The following DMXL1 variants were observed in gnomAD, a reference collection of about 807,000 sequenced individuals.
DMXL1 encodes Dmx like 1.
A neutral mutation model predicts 319.2 loss-of-function variants in DMXL1; 99 were observed. The observed-to-expected ratio is 0.31, with a 90% CI of 0.26 to 0.37. The LOEUF (loss-of-function observed/expected upper bound fraction) is 0.37, where lower values mean the gene tolerates loss of function less well. Among genes scored for constraint, DMXL1 ranks in the 10% least tolerant of loss-of-function variants. DMXL1 has a pLI of 1.00. For synonymous variants in DMXL1, 1,385 were observed against 1,235.2 expected, an observed-to-expected ratio of 1.12 and a Z score of -2.54; for missense variants, 3,745 against 3,595.6, an observed-to-expected ratio of 1.04 and a Z score of -1.06.
chr5:119,170,518 A>C lies in DMXL1; in HGVS notation c.5727A>C (p.Pro1909=). 6.2e-7 allele frequency: 1 copy of C among 1,613,736 alleles called. No individual in the cohort carries two copies. The highest frequency in any genetic ancestry group is 8.5e-7 in the Non-Finnish European group (1 of 1,179,792). The change falls in exon 24 of 44, where the codon CCA becomes CCC. Residue 1909 remains proline, a synonymous_variant. Coordinates refer to ENST00000539542, the MANE Select transcript of DMXL1 (RefSeq NM_001290321.3). ...GTAAAGACTGTTCTCCTTCTTCTCCATTAAAGTTGGATGCAAGGGAAGATA... is the reference window on the plus strand; with the variant it reads ...GTAAAGACTGTTCTCCTTCTTCTCCCTTAAAGTTGGATGCAAGGGAAGATA... ...DTSKDCSPSS[P]LKLDAREDKS...
intron 2 of DMXL1, 46 bp from the exon 3 acceptor site, chr5:119,101,889 A>G: frequency 1.6e-6 from 2 of 1,285,182 alleles, no homozygotes; most frequent in Non-Finnish European, 1.1e-6. Flanking sequence ...TTGATTCATA[A>G]GTAAGTTAAC....
At chr5:119,126,326 G>T (rs1448552070) in intron 9 of DMXL1, among the ~76,000 whole-genome samples, 1 of 152,088 alleles carries the variant, frequency 6.6e-6, no homozygotes, top group African/African-American at 2.4e-5. Flanking sequence ...ATTATTGTAT[G>T]TGCTGCATTG....
chr5:119,114,591 G>C lies in DMXL1; in HGVS notation c.564+50G>C, dbSNP rs527421301. 121 of 1,242,852 alleles carry C rather than the reference G, an allele frequency of 9.7e-5. 2 individuals are homozygous for C. In the South Asian group the frequency reaches 1.5e-3, roughly 16 times the overall value. 77.0% of individuals were successfully genotyped at this position (1,242,852 alleles called of 1,614,324 possible). On this transcript the variant is annotated intron_variant, in intron 6 of 43. Transcript: ENST00000539542. ...AAATTATGTGTTTATAGTTTACTTT[G>C]AAACTTTAAAAACATCAACTGGCTT...
rs1769222524 is a variant in DMXL1, at chr5:119,149,158, A to G, written c.3331A>G (p.Ser1111Gly). The change falls in exon 18 of 44, where the codon AGT becomes GGT. Residue 1111 changes from serine (S) to glycine (G), a missense_variant. Transcript: ENST00000539542. ...AAGCACAGTATTGGATTCTGGCATT[A>G]GTGTTGATAGCAATTTAGTGGCCTA... Reference protein sequence around the residue: ...ELSTVLDSGISVDSNLVAYNK... With the variant: ...ELSTVLDSGIGVDSNLVAYNK... The G allele has an allele frequency of 6.2e-7, 1 of 1,613,826 alleles. No homozygotes were observed. The highest frequency in any genetic ancestry group is 1.3e-5 in the African/African-American group (1 of 74,922).
chr5:119,189,697 C>G lies in DMXL1; in HGVS notation c.7136-11C>G, dbSNP rs368715205. ...TAGTACTTCAGTAACATTTTATTTT[C>G]TTTTTGTTAGTTTCTTCACTAGTTG... is the stretch of plus-strand genomic sequence containing the variant. On this transcript the variant is annotated splice_polypyrimidine_tract_variant and intron_variant, in intron 28 of 43. Transcript: ENST00000539542. The G allele has an allele frequency of 1.9e-6, 3 of 1,612,154 alleles. No individual in the cohort carries two copies. Among genetic ancestry groups the G allele is most frequent in the Non-Finnish European group, 1.7e-6 (2 of 1,178,638 alleles).
At chr5:119,100,367 C>T (rs1756974774) in intron 2 of DMXL1, among the ~76,000 whole-genome samples, 2 of 150,764 alleles carry the variant, frequency 1.3e-5, no homozygotes, top group Admixed American at 6.6e-5. Flanking sequence ...ACCCGGGAGG[C>T]AGAGGTTGCA....
rs761720186 is a variant in DMXL1, at chr5:119,167,686, A to G, written c.5220A>G (p.Ala1740=). Residue 1740 remains alanine (A), a synonymous_variant, in exon 23 of 44, where the codon GCA becomes GCG. Transcript: ENST00000539542. The stretch of plus-strand genomic sequence containing the variant: ...AGTCTGAATTTGATACATCTGCAGC[A>G]TATAAATCTATTTTACGTAAAAAAG... ...LYESEFDTSA[A]YKSILRKKVL... The G allele has an allele frequency of 6.2e-7, 1 of 1,613,480 alleles. No homozygotes were observed. Among genetic ancestry groups the G allele is most frequent in the Admixed American group, 1.7e-5 (1 of 59,992 alleles).
chr5:119,186,438 T>C lies in DMXL1; in HGVS notation c.7136-3270T>C, dbSNP rs559296192. On this transcript the variant is annotated intron_variant, in intron 28 of 43. Coordinates refer to ENST00000539542, the MANE Select transcript of DMXL1 (RefSeq NM_001290321.3). ...ATGCCCAGCTAATTTTTCTATTTTT[T>C]TGTAGAGACTGGGTTTCACCATGTT... is the stretch of plus-strand genomic sequence containing the variant. Among the ~76,000 whole-genome samples the C allele has an allele frequency of 1.3e-3, 195 of 152,308 alleles. 1 individual carries two copies. The highest frequency in any genetic ancestry group is 2.6e-3 in the Admixed American group (40 of 15,298).
At chr5:119,207,311 A>G (rs1240377932) in intron 34 of DMXL1, among the ~76,000 whole-genome samples, 1 of 152,180 alleles carries the variant, frequency 6.6e-6, no homozygotes, top group Non-Finnish European at 1.5e-5. Flanking sequence ...AAAAATTCAA[A>G]TTAGGAATTA....
intron 9 of DMXL1, chr5:119,128,002 G>A: frequency 2.5e-6 from 1 of 406,832 alleles, no homozygotes; most frequent in Non-Finnish European, 5.0e-6. Context: ...CTGTTATGAG[G>A]CATCTGACAT....
intron 13 of DMXL1, among the ~76,000 whole-genome samples, chr5:119,142,517 T>C (rs942675962): frequency 3.2e-5 from 2 of 62,310 alleles, no homozygotes; most frequent in Admixed American, 3.5e-4. Flanking sequence ...TATTAAAAAG[T>C]AAAAAAAAAA....
intron 26 of DMXL1, among the ~76,000 whole-genome samples, chr5:119,176,371 GTAGCC>G (rs1453305498): frequency 6.6e-6 from 1 of 151,862 alleles, no homozygotes; most frequent in African/African-American, 2.4e-5. Flanking sequence ...TTTTCTGTGG[GTAGCC>G]TTACTTACCA....
intron 28 of DMXL1, among the ~76,000 whole-genome samples, chr5:119,179,367 T>A (rs1414838783): frequency 6.6e-6 from 1 of 151,340 alleles, no homozygotes; most frequent in Non-Finnish European, 1.5e-5. Context: ...GTTATTTATC[T>A]CTTTATGAGC....
Position 119,229,033 on chromosome 5 carries a change from G to C in DMXL1, c.8338+4264G>C, listed in dbSNP as rs1243651361. On this transcript the variant is annotated intron_variant, in intron 38 of 43. Coordinates refer to ENST00000539542, the MANE Select transcript of DMXL1 (RefSeq NM_001290321.3). ...AATTATCTTGATAAAACAAAATCTC[G>C]GCTGGGCGCGGTGACTCATGTCTGT... Among the ~76,000 whole-genome samples the C allele has an allele frequency of 2.0e-5, 3 of 151,170 alleles. No individual in the cohort carries two copies. In the East Asian group the frequency reaches 5.8e-4, roughly 29 times the overall value.
At chr5:119,178,674 C>A (rs1163080149) in intron 28 of DMXL1, 2 of 984,868 alleles carry the variant, frequency 2.0e-6, no homozygotes, top group African/African-American at 3.5e-5. Flanking sequence ...TCTCATAGCC[C>A]TCCCAGTCTT....
At chr5:119,072,418 C>T (rs1749819257) in intron 1 of DMXL1, among the ~76,000 whole-genome samples, 1 of 151,976 alleles carries the variant, frequency 6.6e-6, no homozygotes, top group Non-Finnish European at 1.5e-5. Context: ...ATACTTTTAT[C>T]TACATAAATT....
chr5:119,180,883 T>A (rs1306506365), intron 28 of DMXL1, among the ~76,000 whole-genome samples: 1 of 152,222 alleles, frequency 6.6e-6, no homozygotes, highest in Non-Finnish European at 1.5e-5. Context: ...TTTGATCTTG[T>A]TGATGTAAAA....
intron 39 of DMXL1, 134 bp from the exon 40 acceptor site, chr5:119,237,188 T>C: frequency 2.0e-6 from 1 of 488,578 alleles, no homozygotes; most frequent in South Asian, 4.0e-5. Context: ...GATCCATGTA[T>C]AGGTGAAGTG....
intron 41 of DMXL1, 82 bp from the exon 42 acceptor site, chr5:119,240,337 A>G: frequency 2.1e-6 from 2 of 953,634 alleles, no homozygotes; most frequent in Admixed American, 4.6e-5. Context: ...AGCAAGGTTT[A>G]AAGGTCACAC....
Sources: gnomAD v4.1 joint callset for allele counts (sites outside exome capture counted in the v4.1 genomes callset) on GRCh38, gnomAD v4.1.1 for gene constraint, MANE v1.5 for transcripts, NCBI Gene and HGNC (gene_info 2026-07-23, HGNC 2026-07-21) for gene names.